The following FHIT variants were observed in gnomAD, a reference collection of about 807,000 sequenced individuals.
The protein encoded by FHIT is bis(5'-adenosyl)-triphosphatase.
FHIT carries 19 observed loss-of-function variants against 17.9 expected under a neutral mutation model. The observed-to-expected ratio is 1.06, with a 90% CI of 0.74 to 1.56. The LOEUF is 1.56. Ranked by LOEUF, FHIT falls within the 40% of genes most tolerant of loss-of-function variation. The probability of loss-of-function intolerance (pLI) is 0.00; values close to 1 mark genes in which losing one functional copy is unlikely to be tolerated. For synonymous variants in FHIT, 81 were observed against 69.7 expected (o/e 1.16, Z -0.81); for missense variants, 248 against 189.2 (o/e 1.31, Z -1.82).
chr3:60,979,567 G>T (rs1710403109), intron 3 of FHIT, among the ~76,000 whole-genome samples: 1 of 152,184 alleles, frequency 6.6e-6, no homozygotes, highest in East Asian at 1.9e-4. Flanking sequence ...AGACAGGGCT[G>T]GCAGCGGATG....
At chr3:60,154,795 A>G (rs1333292093) in intron 5 of FHIT, among the ~76,000 whole-genome samples, 2 of 152,200 alleles carry the variant, frequency 1.3e-5, no homozygotes. Context: ...TGTTTCTTGC[A>G]AACAGTCAAT....
At chr3:60,448,037 T>A (rs1352149877) in intron 5 of FHIT, among the ~76,000 whole-genome samples, 2 of 152,180 alleles carry the variant, frequency 1.3e-5, no homozygotes, top group Non-Finnish European at 2.9e-5. Context: ...CATCAATGAA[T>A]TCAGGGGCCC....
At chr3:60,096,035 T>C (rs1412451348) in intron 5 of FHIT, among the ~76,000 whole-genome samples, 2 of 152,160 alleles carry the variant, frequency 1.3e-5, no homozygotes, top group African/African-American at 4.8e-5. Flanking sequence ...ACAGGATTTT[T>C]TCTTGATCAC....
chr3:60,365,259 G>T (rs1275156822), intron 5 of FHIT, among the ~76,000 whole-genome samples: 1 of 151,618 alleles, frequency 6.6e-6, no homozygotes, highest in Admixed American at 6.6e-5. Context: ...TTGTAAAAAT[G>T]CATATGGAGG....
intron 7 of FHIT, among the ~76,000 whole-genome samples, chr3:59,950,640 G>C (rs1313418183): frequency 6.6e-6 from 1 of 152,160 alleles, no homozygotes; most frequent in African/African-American, 2.4e-5. Context: ...ATCAGGAGCA[G>C]TAAACTCAAT....
At chr3:61,074,097 T>A (rs1307615329) in intron 2 of FHIT, among the ~76,000 whole-genome samples, 1 of 152,174 alleles carries the variant, frequency 6.6e-6, no homozygotes, top group Non-Finnish European at 1.5e-5. Context: ...CAGTTTAATT[T>A]TTTTTAAAGC....
chr3:60,066,428 T>A (rs1702507646), intron 5 of FHIT, among the ~76,000 whole-genome samples: 1 of 152,052 alleles, frequency 6.6e-6, no homozygotes, highest in Non-Finnish European at 1.5e-5. Flanking sequence ...ACTTTGTCAA[T>A]ATCTCCATGC....
intron 5 of FHIT, among the ~76,000 whole-genome samples, chr3:60,036,384 C>T (rs1575944329): frequency 6.6e-6 from 1 of 152,108 alleles, no homozygotes; most frequent in African/African-American, 2.4e-5. Flanking sequence ...CTCTGAGAAC[C>T]GTGTCTCTAT....
At chr3:60,746,006 T>C (rs1553715265) in intron 4 of FHIT, among the ~76,000 whole-genome samples, 1 of 152,202 alleles carries the variant, frequency 6.6e-6, no homozygotes, top group Non-Finnish European at 1.5e-5. Context: ...ACAAGAAAGA[T>C]GATAACAAGC....
intron 2 of FHIT, among the ~76,000 whole-genome samples, chr3:61,044,695 T>C (rs1399181475): frequency 1.3e-5 from 2 of 151,914 alleles, no homozygotes; most frequent in African/African-American, 4.8e-5. Flanking sequence ...TTCACCAAAG[T>C]TGAAATGAAG....
At chr3:60,628,089 A>G (rs1383664743) in intron 4 of FHIT, among the ~76,000 whole-genome samples, 1 of 152,202 alleles carries the variant, frequency 6.6e-6, no homozygotes, top group Non-Finnish European at 1.5e-5. Context: ...TACTTAAGCT[A>G]TATGTTTCCC....
intron 3 of FHIT, among the ~76,000 whole-genome samples, chr3:60,918,572 G>C (rs563255316): frequency 6.6e-6 from 1 of 152,196 alleles, no homozygotes; most frequent in South Asian, 2.1e-4. Flanking sequence ...TGTGTAGGCT[G>C]AGAGGGTGAA....
intron 8 of FHIT, among the ~76,000 whole-genome samples, chr3:59,777,409 A>G (rs1702379759): frequency 6.6e-6 from 1 of 151,520 alleles, no homozygotes; most frequent in African/African-American, 2.4e-5. Flanking sequence ...TAACTCTCCT[A>G]CCCTACTTCA....
At chr3:59,861,566 A>C (rs1702406245) in intron 8 of FHIT, among the ~76,000 whole-genome samples, 1 of 152,174 alleles carries the variant, frequency 6.6e-6, no homozygotes, top group African/African-American at 2.4e-5. Context: ...ACTAACTAAA[A>C]ATATTCCCTC....
In FHIT at chr3:60,658,199, C is replaced by T. The variant is rs1012410489; in HGVS notation, c.-17-121220G>A. ...TGAAATCATACAGTATTTGTCTTTG[C>T]GTGACTGTCTTATTTCACTTAGCAT... On this transcript the variant is annotated intron_variant, in intron 4 of 9. Coordinates refer to ENST00000492590, the MANE Select transcript of FHIT (RefSeq NM_002012.4). Among the ~76,000 whole-genome samples, 9 of 152,194 alleles carry T rather than the reference C, an allele frequency of 5.9e-5. No individual in the cohort carries two copies. The South Asian group carries it at 8.3e-4, about 14-fold the overall frequency.
At chr3:60,498,639 CAAG>C (rs1262992220) in intron 5 of FHIT, among the ~76,000 whole-genome samples, 3 of 152,034 alleles carry the variant, frequency 2.0e-5, no homozygotes, top group Non-Finnish European at 2.9e-5. Context: ...CTGTCTTTGT[CAAG>C]AAGGTCAAAT....
At chr3:60,669,466 C>A (rs1183937981) in intron 4 of FHIT, among the ~76,000 whole-genome samples, 4 of 152,120 alleles carry the variant, frequency 2.6e-5, no homozygotes, top group Non-Finnish European at 4.4e-5. Context: ...AAAGCCATTA[C>A]CCGCTTCTAG....
chr3:60,482,350 A>T (rs1014175247), intron 5 of FHIT, among the ~76,000 whole-genome samples: 2 of 152,060 alleles, frequency 1.3e-5, no homozygotes, highest in African/African-American at 4.8e-5. Flanking sequence ...CAGCTACAGA[A>T]CTCCCTACCC....
intron 5 of FHIT, among the ~76,000 whole-genome samples, chr3:60,400,333 G>A (rs1407348197): frequency 6.6e-6 from 1 of 152,170 alleles, no homozygotes; most frequent in African/African-American, 2.4e-5. Flanking sequence ...GACCCTGGCA[G>A]CAGCCTGGGG....
Sources: gnomAD v4.1 joint callset for allele counts (sites outside exome capture counted in the v4.1 genomes callset) on GRCh38, gnomAD v4.1.1 for gene constraint, MANE v1.5 for transcripts, NCBI Gene and HGNC (gene_info 2026-07-23, HGNC 2026-07-21) for gene names.